PCDH15: variants seen among roughly 807,000 people sequenced by gnomAD.
PCDH15 encodes the protein protocadherin-15.
In PCDH15, 129 loss-of-function variants were observed where a neutral mutation model predicts 178.5. The ratio of observed to expected loss-of-function variants is 0.72; its 90% CI spans 0.63 to 0.84. PCDH15 has a LOEUF of 0.84. Among genes scored for constraint, PCDH15 ranks in the 40% least tolerant of loss-of-function variants. PCDH15 has a pLI of 0.00. For missense variants in PCDH15, 2,230 were observed against 2,099.9 expected, an observed-to-expected ratio of 1.06 and a Z score of -1.21; for synonymous variants, 800 against 732.0, an observed-to-expected ratio of 1.09 and a Z score of -1.50.
Position 53,947,514 on chromosome 10 carries a change from C to A in PCDH15, c.3123-6539G>T, listed in dbSNP as rs11003940. Among the ~76,000 whole-genome samples, 1,471 of 151,512 alleles carry A rather than the reference C, an allele frequency of 9.7e-3. 24 individuals carry two copies. The highest frequency in any genetic ancestry group is 0.031 in the African/African-American group (1,269 of 41,302). ...TACCAATTAAGATACTGTTTTTCTA[C>A]CTACTATGAGAGGATTTAATAAAAA... On this transcript the variant is annotated intron_variant, in intron 23 of 37. Transcript: ENST00000644397.
At chr10:54,792,539 T>A (rs1951522219) in intron 1 of PCDH15, among the ~76,000 whole-genome samples, 1 of 152,060 alleles carries the variant, frequency 6.6e-6, no homozygotes, top group African/African-American at 2.4e-5. Context: ...ACAACCCAAG[T>A]GTGGATGCGC....
intron 2 of PCDH15, among the ~76,000 whole-genome samples, chr10:54,650,606 T>C (rs1032444836): frequency 6.6e-6 from 1 of 152,142 alleles, no homozygotes; most frequent in Admixed American, 6.5e-5. Context: ...AATAAAGACA[T>C]ACCTGAGACT....
intron 3 of PCDH15, among the ~76,000 whole-genome samples, chr10:54,868,192 G>A (rs911574854): frequency 6.6e-6 from 1 of 152,032 alleles, no homozygotes; most frequent in African/African-American, 2.4e-5. Flanking sequence ...GACACACACC[G>A]CAAATGGCTG....
Position 54,281,848 on chromosome 10 carries a change from C to T in PCDH15, c.876+35423G>A, listed in dbSNP as rs148888732. Reference sequence around the variant, plus strand: ...ATAACTATTATAAAATTGTACATAACTATCAGGCTGTTAATTTGAGGTAAT... The same window carrying T: ...ATAACTATTATAAAATTGTACATAATTATCAGGCTGTTAATTTGAGGTAAT... On this transcript the variant is annotated intron_variant, in intron 8 of 37. Coordinates refer to ENST00000644397, the MANE Select transcript of PCDH15 (RefSeq NM_001384140.1). 3.2e-3 allele frequency among the ~76,000 whole-genome samples: 482 copies of T among 152,084 alleles called. 6 individuals carry two copies. The highest frequency in any genetic ancestry group is 9.0e-3 in the African/African-American group (373 of 41,504).
intron 3 of PCDH15, among the ~76,000 whole-genome samples, chr10:54,814,227 T>C (rs1160575646): frequency 6.6e-6 from 1 of 152,214 alleles, no homozygotes; most frequent in Non-Finnish European, 1.5e-5. Flanking sequence ...ACCATACAGT[T>C]AATGACATCA....
At position 53,822,879 on chromosome 10, in the gene PCDH15, G is replaced by A. The variant is rs2076392403; in HGVS notation, c.4368-2649C>T. 1 of 1,613,880 alleles carries A rather than the reference G, an allele frequency of 6.2e-7. No individual in the cohort carries two copies. The highest frequency in any genetic ancestry group is 1.7e-5 in the Admixed American group (1 of 59,992). On this transcript the variant is annotated intron_variant, in intron 32 of 37. Coordinates refer to ENST00000644397, the MANE Select transcript of PCDH15 (RefSeq NM_001384140.1). Reference sequence around the variant, plus strand: ...TGGATTGCTGCTACCTCTTTTGTTTGTACAGATTCCAGTGTTTTCATTTTC... The same window carrying A: ...TGGATTGCTGCTACCTCTTTTGTTTATACAGATTCCAGTGTTTTCATTTTC...
rs572173829 is a variant in PCDH15, at chr10:55,422,469, A to G, written c.-156+205156T>C. On this transcript the variant is annotated intron_variant, in intron 2 of 5. Transcript: ENST00000613346. ...TATGGTATGTCATATGGAACATTTT[A>G]GCCAAGGATGACAAAGTAGGCAAGT... is the stretch of plus-strand genomic sequence containing the variant. Among the ~76,000 whole-genome samples, 67 of 152,050 alleles carry G rather than the reference A, an allele frequency of 4.4e-4. 2 individuals carry two copies. In the South Asian group the frequency reaches 8.7e-3, roughly 20 times the overall value.
intron 10 of PCDH15, among the ~76,000 whole-genome samples, chr10:54,213,210 C>T (rs1193376674): frequency 6.6e-6 from 1 of 152,088 alleles, no homozygotes; most frequent in Non-Finnish European, 1.5e-5. Flanking sequence ...TTTCCCAGTC[C>T]CATCTCTGCC....
intron 2 of PCDH15, among the ~76,000 whole-genome samples, chr10:55,438,550 T>C (rs1049789847): frequency 6.6e-6 from 1 of 152,116 alleles, no homozygotes; most frequent in Non-Finnish European, 1.5e-5. Flanking sequence ...CAATAGTTTT[T>C]TCCTCTACAA....
At chr10:55,379,460 TATTA>T (rs1837481595) in intron 2 of PCDH15, among the ~76,000 whole-genome samples, 1 of 152,114 alleles carries the variant, frequency 6.6e-6, no homozygotes. Context: ...TTTTGTACTT[TATTA>T]ATTATTGTTA....
intron 26 of PCDH15, among the ~76,000 whole-genome samples, chr10:53,878,786 G>A (rs1213985566): frequency 6.6e-6 from 1 of 151,882 alleles, no homozygotes; most frequent in Non-Finnish European, 1.5e-5. Flanking sequence ...ATAATATTTG[G>A]CTTAAATGTC....
At chr10:54,554,060 T>A (rs1291238408) in intron 2 of PCDH15, among the ~76,000 whole-genome samples, 2 of 152,134 alleles carry the variant, frequency 1.3e-5, no homozygotes, top group African/African-American at 2.4e-5. Context: ...TTAACAGAAG[T>A]TGTTAATTTG....
intron 3 of PCDH15, among the ~76,000 whole-genome samples, chr10:54,501,552 CTTCT>C (rs1394375850): frequency 6.6e-6 from 1 of 152,106 alleles, no homozygotes; most frequent in Non-Finnish European, 1.5e-5. Flanking sequence ...AATCCTTATG[CTTCT>C]TTCTACTTTT....
At chr10:54,241,665 T>C (rs2055312260) in intron 8 of PCDH15, among the ~76,000 whole-genome samples, 1 of 152,156 alleles carries the variant, frequency 6.6e-6, no homozygotes, top group South Asian at 2.1e-4. Context: ...TTGATAAGCA[T>C]ATATTAGAAG....
chr10:54,568,901 C>A (rs1336552285), intron 2 of PCDH15, among the ~76,000 whole-genome samples: 2 of 151,806 alleles, frequency 1.3e-5, no homozygotes, highest in Non-Finnish European at 2.9e-5. Flanking sequence ...CCTCACAAAC[C>A]ATTTTGTAAA....
chr10:55,037,820 T>C (rs1840774991), intron 2 of PCDH15, among the ~76,000 whole-genome samples: 1 of 152,220 alleles, frequency 6.6e-6, no homozygotes, highest in South Asian at 2.1e-4. Context: ...GGTAATTATC[T>C]GTCATCTTAA....
At chr10:55,478,632 G>A (rs1405173275) in intron 2 of PCDH15, among the ~76,000 whole-genome samples, 1 of 150,116 alleles carries the variant, frequency 6.7e-6, no homozygotes, top group East Asian at 2.0e-4. Context: ...TTAGGAGAAG[G>A]AAATAAATAA....
intron 2 of PCDH15, among the ~76,000 whole-genome samples, chr10:55,409,257 C>G (rs1214394982): frequency 2.0e-5 from 3 of 152,046 alleles, no homozygotes; most frequent in Admixed American, 2.0e-4. Flanking sequence ...CCTAGTGAAC[C>G]CACCAAACCT....
At chr10:54,437,264 T>C (rs1011337805) in intron 3 of PCDH15, among the ~76,000 whole-genome samples, 1 of 152,186 alleles carries the variant, frequency 6.6e-6, no homozygotes, top group Non-Finnish European at 1.5e-5. Context: ...GCAAAGGATA[T>C]AGGTATTACA....
Sources: allele counts gnomAD v4.1 joint callset (sites outside exome capture counted in the v4.1 genomes callset), GRCh38; gene constraint gnomAD v4.1.1; transcripts MANE v1.5; gene names NCBI Gene and HGNC (gene_info 2026-07-23, HGNC 2026-07-21).